ANKRD16: variants seen among roughly 807,000 people sequenced by gnomAD.
ANKRD16 encodes the protein ankyrin repeat domain 16.
Under a neutral mutation model 37.9 loss-of-function variants are expected in ANKRD16, and 35 were observed. The ratio of observed to expected loss-of-function variants is 0.92; its 90% CI spans 0.71 to 1.23. ANKRD16 has a LOEUF of 1.23. Among genes scored for constraint, ANKRD16 ranks in the 50% most tolerant of loss-of-function variants. The pLI, the probability that ANKRD16 is intolerant of heterozygous loss-of-function variation, is 0.00. For synonymous variants in ANKRD16, 206 were observed against 197.2 expected (o/e 1.04, Z -0.37); for missense variants, 480 against 469.9 (o/e 1.02, Z -0.20).
At chr10:5,875,275 C>G (rs2131763703) in intron 7 of ANKRD16, among the ~76,000 whole-genome samples, 1 of 152,286 alleles carries the variant, frequency 6.6e-6, no homozygotes, top group East Asian at 1.9e-4. Context: ...AGCACACTAT[C>G]TCGCATTTAC....
At position 5,862,659 on chromosome 10, in the gene ANKRD16, G is replaced by GA; in HGVS notation, c.*65dup. ...AGTTGCACTTGGCTTTCTCTGAGCC[G>GA]AAAAACGAAAGGTGCTCAGGCTCCC... On this transcript the variant is annotated 3_prime_UTR_variant, in exon 8 of 8. Coordinates refer to ENST00000380094, the MANE Select transcript of ANKRD16 (RefSeq NM_019046.3). The surrounding 1 kb of genome is among the most constrained non-coding windows in gnomAD (Gnocchi z 6.5). 7.8e-7 allele frequency: 1 copy of GA among 1,289,602 alleles called. No homozygotes were observed. The highest frequency in any genetic ancestry group is 1.0e-6 in the Non-Finnish European group (1 of 988,864). 79.9% of individuals were successfully genotyped at this position (1,289,602 alleles called of 1,614,324 possible).
At chr10:5,876,983 T>C (rs1215445596) in intron 7 of ANKRD16, among the ~76,000 whole-genome samples, 1 of 152,226 alleles carries the variant, frequency 6.6e-6, no homozygotes, top group African/African-American at 2.4e-5. Flanking sequence ...AAATGTCAAG[T>C]GTTTCATTCC....
At chr10:5,883,340 G>A (rs957875853) in intron 4 of ANKRD16, among the ~76,000 whole-genome samples, 173 bp from the exon 5 acceptor site, 1 of 152,180 alleles carries the variant, frequency 6.6e-6, no homozygotes, top group Non-Finnish European at 1.5e-5. Flanking sequence ...TTGAGACGAA[G>A]TCTCACTCTG....
Position 5,864,669 on chromosome 10 carries a change from A to T in ANKRD16, c.*34-1978T>A, listed in dbSNP as rs1841990067. ...CAGAATGACAGCCGAAGAAAGGGACAAATTCCCTACTGGTCAGCAAGCCGT... is the reference window on the plus strand; with the variant it reads ...CAGAATGACAGCCGAAGAAAGGGACTAATTCCCTACTGGTCAGCAAGCCGT... On this transcript the variant is annotated intron_variant, in intron 7 of 7. Transcript: ENST00000380094. The surrounding 1 kb of genome is among the most constrained non-coding windows in gnomAD (Gnocchi z 4.4). Among the ~76,000 whole-genome samples, 1 of 151,722 alleles carries T rather than the reference A, an allele frequency of 6.6e-6. No homozygotes were observed. The highest frequency in any genetic ancestry group is 2.1e-4 in the South Asian group (1 of 4,834).
chr10:5,881,941 C>T (rs1055707516), intron 5 of ANKRD16, among the ~76,000 whole-genome samples: 1 of 152,136 alleles, frequency 6.6e-6, no homozygotes, highest in African/African-American at 2.4e-5. Flanking sequence ...CCTGCCTCAG[C>T]CTCCCAAAGT....
At chr10:5,867,741 T>G (rs765114870) in intron 7 of ANKRD16, among the ~76,000 whole-genome samples, 7 of 152,170 alleles carry the variant, frequency 4.6e-5, no homozygotes, top group Non-Finnish European at 8.8e-5. Flanking sequence ...GGAACCGGAA[T>G]AGCCAGTTTA....
rs1352472195 is a variant in ANKRD16, at chr10:5,866,321, T to G, written c.*34-3630A>C. Among the ~76,000 whole-genome samples the G allele has an allele frequency of 6.6e-6, 1 of 152,222 alleles. No homozygotes were observed. Among genetic ancestry groups the G allele is most frequent in the Non-Finnish European group, 1.5e-5 (1 of 68,050 alleles). Reference sequence around the variant, plus strand: ...ATGAATTCTTAGAAGTCCCCTTAGTTAATCCTGACCTTAATCTATATACTG... The same window carrying G: ...ATGAATTCTTAGAAGTCCCCTTAGTGAATCCTGACCTTAATCTATATACTG... On this transcript the variant is annotated intron_variant, in intron 7 of 7. Transcript: ENST00000380094. The surrounding 1 kb of genome is among the most constrained non-coding windows in gnomAD (Gnocchi z 4.3).
In ANKRD16 at chr10:5,871,718, TCCGAAGAGCCTTATC is replaced by T. The variant is rs919898449; in HGVS notation, c.*33+6364_*33+6378del. ...GCTTCTAAGCCTACTTCCCACACCT[TCCGAAGAGCCTTATC>T]CCACAGAGCCCTCACTCCCTCACCG... is the stretch of plus-strand genomic sequence containing the variant. On this transcript the variant is annotated intron_variant, in intron 7 of 7. Coordinates refer to ENST00000380094, the MANE Select transcript of ANKRD16 (RefSeq NM_019046.3). This position sits in a 1 kb window ranked among gnomAD's most constrained non-coding sequence, Gnocchi z 4.5. Among the ~76,000 whole-genome samples, 1 of 152,020 alleles carries T rather than the reference TCCGAAGAGCCTTATC, an allele frequency of 6.6e-6. No homozygotes were observed. The highest frequency in any genetic ancestry group is 1.5e-5 in the Non-Finnish European group (1 of 67,988).
In ANKRD16 at chr10:5,863,012, G is replaced by A. The variant is rs183242629; in HGVS notation, c.*34-321C>T. Among the ~76,000 whole-genome samples, 3 of 152,176 alleles carry A rather than the reference G, an allele frequency of 2.0e-5. No homozygotes were observed. The highest frequency in any genetic ancestry group is 1.9e-4 in the East Asian group (1 of 5,182). ...ATTCTGACTTTCCACCTACTGTCCC[G>A]GAGCAGCTGACTGTGGTGGAGAAAA... On this transcript the variant is annotated intron_variant, in intron 7 of 7. Coordinates refer to ENST00000380094, the MANE Select transcript of ANKRD16 (RefSeq NM_019046.3). The surrounding 1 kb of genome is among the most constrained non-coding windows in gnomAD (Gnocchi z 4.7).
intron 1 of ANKRD16, among the ~76,000 whole-genome samples, chr10:5,888,819 T>G (rs1842510887): frequency 2.0e-5 from 3 of 152,224 alleles, no homozygotes; most frequent in South Asian, 2.1e-4. Flanking sequence ...GGGAGGTGAC[T>G]GCCCCGACCA....
rs1165978029 is a variant in ANKRD16, at chr10:5,866,604, C to T, written c.*34-3913G>A. Among the ~76,000 whole-genome samples, 3 of 152,188 alleles carry T rather than the reference C, an allele frequency of 2.0e-5. No homozygotes were observed. The highest frequency in any genetic ancestry group is 4.4e-5 in the Non-Finnish European group (3 of 68,030). On this transcript the variant is annotated intron_variant, in intron 7 of 7. Coordinates refer to ENST00000380094, the MANE Select transcript of ANKRD16 (RefSeq NM_019046.3). This position sits in a 1 kb window ranked among gnomAD's most constrained non-coding sequence, Gnocchi z 4.3. ...AGGGGGTTCCTAACCTCTGGGGAAC[C>T]ACATTAAATATCACAAGGAAATCAT...
chr10:5,872,440 C>G (rs1842105994), intron 7 of ANKRD16, among the ~76,000 whole-genome samples: 1 of 152,150 alleles, frequency 6.6e-6, no homozygotes, highest in Non-Finnish European at 1.5e-5. Context: ...GATTACGCCA[C>G]TATACCCCGG....
At position 5,866,580 on chromosome 10, in the gene ANKRD16, G is replaced by A. The variant is rs904530669; in HGVS notation, c.*34-3889C>T. ...GCCCATGCTGCAATATGGAAAGAAA[G>A]GGGGTTCCTAACCTCTGGGGAACCA... On this transcript the variant is annotated intron_variant, in intron 7 of 7. Coordinates refer to ENST00000380094, the MANE Select transcript of ANKRD16 (RefSeq NM_019046.3). This position sits in a 1 kb window ranked among gnomAD's most constrained non-coding sequence, Gnocchi z 4.3. 2.0e-5 allele frequency among the ~76,000 whole-genome samples: 3 copies of A among 152,242 alleles called. No homozygotes were observed. The highest frequency in any genetic ancestry group is 7.2e-5 in the African/African-American group (3 of 41,460).
chr10:5,888,933 T>C, intron 1 of ANKRD16, 108 bp downstream of exon 1: 3 of 1,240,726 alleles, frequency 2.4e-6, no homozygotes, highest in Non-Finnish European at 3.2e-6. Context: ...GGGTGAGAAC[T>C]AGGAGCTGAG....
At position 5,874,452 on chromosome 10, in the gene ANKRD16, T is replaced by G. The variant is rs1368093921; in HGVS notation, c.*33+3645A>C. ...GGTGTATTTAAGACATGGCTGCCAC[T>G]CTCTAGGAGGAGAGTGAGAGAGCTT... On this transcript the variant is annotated intron_variant, in intron 7 of 7. Coordinates refer to ENST00000380094, the MANE Select transcript of ANKRD16 (RefSeq NM_019046.3). The surrounding 1 kb of genome is among the most constrained non-coding windows in gnomAD (Gnocchi z 4.7). Among the ~76,000 whole-genome samples, 3 of 152,146 alleles carry G rather than the reference T, an allele frequency of 2.0e-5. No homozygotes were observed. The highest frequency in any genetic ancestry group is 7.2e-5 in the African/African-American group (3 of 41,428).
rs1842001011 is a variant in ANKRD16 at position 5,865,558 on chromosome 10, C to T, written c.*34-2867G>A. ...TGAGGCTCAGTGTTAATCTCCTGTC[C>T]CAGACAGCTGTCCTCAAGGTCTGTT... is the stretch of plus-strand genomic sequence containing the variant. On this transcript the variant is annotated intron_variant, in intron 7 of 7. Coordinates refer to ENST00000380094, the MANE Select transcript of ANKRD16 (RefSeq NM_019046.3). This position sits in a 1 kb window ranked among gnomAD's most constrained non-coding sequence, Gnocchi z 4.7. 2.0e-5 allele frequency among the ~76,000 whole-genome samples: 3 copies of T among 152,204 alleles called. No individual in the cohort carries two copies. Among genetic ancestry groups the T allele is most frequent in the Admixed American group, 2.0e-4 (3 of 15,266 alleles).
In ANKRD16 at chr10:5,878,601, T is replaced by C. The variant is rs1378196199; in HGVS notation, c.929-314A>G. On this transcript the variant is annotated intron_variant, in intron 6 of 7. Transcript: ENST00000380094. The surrounding 1 kb of genome is among the most constrained non-coding windows in gnomAD (Gnocchi z 5.1). ...GATCATGAGGTCAAGAGTGTGAGAC[T>C]AGCCTGACCAACATGGTGAAACCCC... Among the ~76,000 whole-genome samples the C allele has an allele frequency of 6.6e-6, 1 of 151,516 alleles. No individual in the cohort carries two copies. The highest frequency in any genetic ancestry group is 1.9e-4 in the East Asian group (1 of 5,158).
rs1841997073 is a variant in ANKRD16, at chr10:5,865,289, TC to T, written c.*34-2599del. Among the ~76,000 whole-genome samples the T allele has an allele frequency of 2.0e-5, 3 of 152,128 alleles. No individual in the cohort carries two copies. Among genetic ancestry groups the T allele is most frequent in the African/African-American group, 7.2e-5 (3 of 41,432 alleles). On this transcript the variant is annotated intron_variant, in intron 7 of 7. Coordinates refer to ENST00000380094, the MANE Select transcript of ANKRD16 (RefSeq NM_019046.3). The surrounding 1 kb of genome is among the most constrained non-coding windows in gnomAD (Gnocchi z 4.7). ...GCCCATGTCCACTATGCCGAGGCAA[TC>T]ACTGGAAGGTGCACTGCCCCAGAGG...
rs1307085092 is a variant in ANKRD16 at position 5,878,856 on chromosome 10, G to A, written c.929-569C>T. On this transcript the variant is annotated intron_variant, in intron 6 of 7. Transcript: ENST00000380094. This position sits in a 1 kb window ranked among gnomAD's most constrained non-coding sequence, Gnocchi z 5.1. Reference sequence around the variant, plus strand: ...AACAGAGCAAGTTAACAAGATATAGGATACATCCTCTTCATACGCCTGAAT... The same window carrying A: ...AACAGAGCAAGTTAACAAGATATAGAATACATCCTCTTCATACGCCTGAAT... Among the ~76,000 whole-genome samples, 1 of 151,970 alleles carries A rather than the reference G, an allele frequency of 6.6e-6. No homozygotes were observed. Among genetic ancestry groups the A allele is most frequent in the Non-Finnish European group, 1.5e-5 (1 of 67,992 alleles).
Sources: gnomAD v4.1 joint callset for allele counts (sites outside exome capture counted in the v4.1 genomes callset) on GRCh38, gnomAD v4.1.1 for gene constraint, Gnocchi (gnomAD v3.1) non-coding constraint, MANE v1.5 for transcripts, NCBI Gene and HGNC (gene_info 2026-07-23, HGNC 2026-07-21) for gene names.